Variants in FAF1 observed in about 807,000 individuals in gnomAD.
FAF1 encodes FAS-associated factor 1.
Under a neutral mutation model 92.5 loss-of-function variants are expected in FAF1, and 25 were observed. The observed-to-expected ratio is 0.27, with a 90% CI of 0.20 to 0.38. FAF1 has a LOEUF of 0.38. Among genes scored for constraint, FAF1 ranks in the 10% least tolerant of loss-of-function variants. FAF1 has a pLI of 1.00. For missense variants in FAF1, 636 were observed against 793.3 expected (o/e 0.80, Z 2.38); for synonymous variants, 234 against 273.2 (o/e 0.86, Z 1.42).
intron 1 of FAF1, among the ~76,000 whole-genome samples, chr1:50,913,796 G>C (rs1167952516): frequency 1.3e-5 from 2 of 152,164 alleles, no homozygotes; most frequent in Non-Finnish European, 2.9e-5. Context: ...TATCCAAACA[G>C]CAGAAATAGA....
intron 7 of FAF1, among the ~76,000 whole-genome samples, chr1:50,661,843 T>C (rs942473299): frequency 4.6e-5 from 7 of 151,980 alleles, no homozygotes; most frequent in Admixed American, 3.3e-4. Flanking sequence ...ACATACTTCA[T>C]ACCTAAGGCC....
intron 9 of FAF1, among the ~76,000 whole-genome samples, chr1:50,592,710 G>A (rs1007707796): frequency 6.6e-6 from 1 of 152,162 alleles, no homozygotes; most frequent in African/African-American, 2.4e-5. Flanking sequence ...CACTTTGGGA[G>A]GCCAAGGAGG....
intron 2 of FAF1, among the ~76,000 whole-genome samples, chr1:50,813,736 C>G (rs1228324115): frequency 1.3e-5 from 2 of 151,934 alleles, no homozygotes; most frequent in African/African-American, 2.4e-5. Flanking sequence ...GTGCTGGATG[C>G]TTTATGCTTT....
chr1:50,880,676 T>C (rs1442770779), intron 1 of FAF1, among the ~76,000 whole-genome samples: 1 of 152,198 alleles, frequency 6.6e-6, no homozygotes, highest in African/African-American at 2.4e-5. Context: ...TCCAGAACTG[T>C]GAGAAAATTT....
intron 15 of FAF1, among the ~76,000 whole-genome samples, chr1:50,529,981 AGAAAGGCACCTAT>A (rs1394618540): frequency 6.6e-6 from 1 of 152,218 alleles, no homozygotes; most frequent in African/African-American, 2.4e-5. Flanking sequence ...AGCTACCTTC[AGAAAGGCACCTAT>A]GGTGTGGTTG....
chr1:50,901,889 T>C (rs1644799960), intron 1 of FAF1, among the ~76,000 whole-genome samples: 1 of 152,128 alleles, frequency 6.6e-6, no homozygotes. Context: ...CAAACCCTGT[T>C]ACAGCCAGTT....
At chr1:50,586,750 C>T (rs1651251037) in intron 9 of FAF1, among the ~76,000 whole-genome samples, 1 of 152,156 alleles carries the variant, frequency 6.6e-6, no homozygotes, top group South Asian at 2.1e-4. Flanking sequence ...AAAGAGCCTC[C>T]TCCACAAAAC....
intron 13 of FAF1, among the ~76,000 whole-genome samples, chr1:50,545,406 T>C (rs1375209316): frequency 6.6e-6 from 1 of 151,930 alleles, no homozygotes; most frequent in Non-Finnish European, 1.5e-5. Flanking sequence ...GTAGCTGAGA[T>C]TATAGGTATG....
chr1:50,951,619 A>T (rs543384381), intron 1 of FAF1, among the ~76,000 whole-genome samples: 2 of 152,214 alleles, frequency 1.3e-5, no homozygotes, highest in African/African-American at 4.8e-5. Context: ...ATTTAATTCT[A>T]CATGCAAAAA....
chr1:50,901,072 T>C (rs927988881), intron 1 of FAF1, among the ~76,000 whole-genome samples: 1 of 152,214 alleles, frequency 6.6e-6, no homozygotes, highest in Non-Finnish European at 1.5e-5. Flanking sequence ...TATTTCAAAA[T>C]GTATTATATA....
chr1:50,468,235 C>A lies in FAF1; in HGVS notation c.1869+7229G>T, dbSNP rs536282550. On this transcript the variant is annotated intron_variant, in intron 18 of 18. Transcript: ENST00000396153. ...AACAACAACAACAACAACAACAAAA[C>A]TGCATCACATTGTACCCCATAACAA... Among the ~76,000 whole-genome samples the A allele has an allele frequency of 4.6e-5, 7 of 152,044 alleles. No homozygotes were observed. In the East Asian group the frequency reaches 1.2e-3, roughly 25 times the overall value.
At chr1:50,623,472 G>A (rs1266339699) in intron 8 of FAF1, among the ~76,000 whole-genome samples, 1 of 151,912 alleles carries the variant, frequency 6.6e-6, no homozygotes, top group Admixed American at 6.5e-5. Context: ...GGGAGGCTGA[G>A]GCAGGAGAAT....
chr1:50,476,484 A>G (rs1646640756), intron 17 of FAF1, among the ~76,000 whole-genome samples: 1 of 152,192 alleles, frequency 6.6e-6, no homozygotes, highest in Non-Finnish European at 1.5e-5. Context: ...TCTCATGGCT[A>G]GCGTGGGCTT....
intron 7 of FAF1, among the ~76,000 whole-genome samples, chr1:50,699,076 T>C (rs1657356769): frequency 1.3e-5 from 2 of 152,000 alleles, no homozygotes; most frequent in African/African-American, 4.8e-5. Context: ...ATAATAGCTA[T>C]AATTAAAATT....
In FAF1 at chr1:50,566,253, ACAAAT is replaced by A. The variant is rs747767094; in HGVS notation, c.1268+819_1268+823del. Among the ~76,000 whole-genome samples, 3 of 152,260 alleles carry A rather than the reference ACAAAT, an allele frequency of 2.0e-5. No individual in the cohort carries two copies. In the East Asian group the frequency reaches 5.8e-4, roughly 29 times the overall value. On this transcript the variant is annotated intron_variant, in intron 13 of 18. Transcript: ENST00000396153. ...CAGTGAGCCATAAAATAACAAAAAG[ACAAAT>A]CAGATGGTTTCTAATTGTTCTATAA...
At position 50,472,492 on chromosome 1, in the gene FAF1, C is replaced by T. The variant is rs547692293; in HGVS notation, c.1869+2972G>A. Among the ~76,000 whole-genome samples, 4 of 151,166 alleles carry T rather than the reference C, an allele frequency of 2.6e-5. No individual in the cohort carries two copies. In the East Asian group the frequency reaches 5.9e-4, roughly 22 times the overall value. ...GTTTTCTGGGGAAGGCCTATGTCTGCGGCTATTTTGGTTGTCCTACAGTGC... is the reference window on the plus strand; with the variant it reads ...GTTTTCTGGGGAAGGCCTATGTCTGTGGCTATTTTGGTTGTCCTACAGTGC... On this transcript the variant is annotated intron_variant, in intron 18 of 18. Coordinates refer to ENST00000396153, the MANE Select transcript of FAF1 (RefSeq NM_007051.3).
At chr1:50,614,532 T>A (rs1278266578) in intron 8 of FAF1, among the ~76,000 whole-genome samples, 1 of 151,622 alleles carries the variant, frequency 6.6e-6, no homozygotes, top group African/African-American at 2.4e-5. Context: ...ATATTAGAAA[T>A]CTTCCTTTAA....
chr1:50,602,482 A>G (rs903507566), intron 8 of FAF1, among the ~76,000 whole-genome samples: 1 of 151,120 alleles, frequency 6.6e-6, no homozygotes, highest in African/African-American at 2.4e-5. Context: ...ATATGCATTT[A>G]TATCCTCATA....
At chr1:50,729,058 A>ATATATATATATATATTT (rs1375923156) in intron 6 of FAF1, among the ~76,000 whole-genome samples, 2 of 70,132 alleles carry the variant, frequency 2.9e-5, no homozygotes, top group African/African-American at 1.2e-4. Context: ...ATATATATAT[A>ATATATATATATATATTT]TTTTTTTTTT....
Sources: gnomAD v4.1 joint callset for allele counts (sites outside exome capture counted in the v4.1 genomes callset) on GRCh38, gnomAD v4.1.1 for gene constraint, MANE v1.5 for transcripts, NCBI Gene and HGNC (gene_info 2026-07-23, HGNC 2026-07-21) for gene names.